Variants in DAB2 observed in about 807,000 individuals in gnomAD.
DAB2 encodes DAB adaptor protein 2, also known as disabled homolog 2.
DAB2 carries 28 observed loss-of-function variants against 71.6 expected under a neutral mutation model. The ratio of observed to expected loss-of-function variants is 0.39; its 90% CI spans 0.29 to 0.54. DAB2 has a LOEUF of 0.54. Among genes scored for constraint, DAB2 ranks in the 20% least tolerant of loss-of-function variants. The pLI is 0.68. For missense variants in DAB2, 867 were observed against 928.8 expected, an observed-to-expected ratio of 0.93 and a Z score of 0.86; for synonymous variants, 345 against 339.7, an observed-to-expected ratio of 1.02 and a Z score of -0.17.
intron 5 of DAB2, 45 bp from the exon 6 acceptor site, chr5:39,389,977 T>G (rs1290863046): frequency 3.1e-6 from 4 of 1,295,940 alleles, no homozygotes. Context: ...AATTTTAGTA[T>G]TTTATTTCCT....
At position 39,377,010 on chromosome 5, in the gene DAB2, G is replaced by T; in HGVS notation, c.1777C>A (p.Pro593Thr). The T allele has an allele frequency of 6.2e-7, 1 of 1,614,062 alleles. No individual in the cohort carries two copies. Among genetic ancestry groups the T allele is most frequent in the Non-Finnish European group, 8.5e-7 (1 of 1,180,018 alleles). Reference sequence around the variant, plus strand: ...GCTGGAAAAATATTGCTCTGAAAAGGATTCCCCAAAGGGCTTGTTGTTGAC... The same window carrying T: ...GCTGGAAAAATATTGCTCTGAAAAGTATTCCCCAAAGGGCTTGTTGTTGAC... The part of the protein sequence containing the change: ...AWSTTSPLGN[P>T]FQSNIFPAPA... The change falls in exon 12 of 15, where the codon CCT (proline) becomes ACT (threonine). Residue 593 changes from proline (P) to threonine (T), a missense_variant. Pro to Thr is a conservative substitution (Grantham distance 38). Coordinates refer to ENST00000320816, the MANE Select transcript of DAB2 (RefSeq NM_001343.4).
chr5:39,387,307 T>TC (rs1234020849), intron 9 of DAB2, among the ~76,000 whole-genome samples: 1 of 152,090 alleles, frequency 6.6e-6, no homozygotes, highest in Non-Finnish European at 1.5e-5. Context: ...TCTAGACATT[T>TC]CCCCCCATTA....
chr5:39,379,769 G>A lies in DAB2; in HGVS notation c.1504+1685C>T, dbSNP rs540108061. ...AGACAGTCCCCCAGCTGGGTCTAGC[G>A]GAAGCCAGACCTACAACCTTCCATG... is the stretch of plus-strand genomic sequence containing the variant. On this transcript the variant is annotated intron_variant, in intron 11 of 14. Transcript: ENST00000320816. Among the ~76,000 whole-genome samples, 5 of 150,056 alleles carry A rather than the reference G, an allele frequency of 3.3e-5. No individual in the cohort carries two copies. The South Asian group carries it at 6.4e-4, about 19-fold the overall frequency.
intron 1 of DAB2, among the ~76,000 whole-genome samples, chr5:39,412,128 A>G (rs2112101260): frequency 6.6e-6 from 1 of 152,178 alleles, no homozygotes; most frequent in East Asian, 1.9e-4. Flanking sequence ...CTTAAGGGGG[A>G]AAAAAACAAA....
Position 39,377,078 on chromosome 5 carries a change from G to A in DAB2, c.1709C>T (p.Pro570Leu). 1.2e-6 allele frequency: 2 copies of A among 1,614,190 alleles called. No individual in the cohort carries two copies. The highest frequency in any genetic ancestry group is 1.7e-6 in the Non-Finnish European group (2 of 1,180,030). ...AGATGCAGAAGGGCCCCAGACAACA[G>A]GCACTGGAGGGGGAGTTGAGGCTGC... ...PFAASTPPPVPVVWGPSASVA... is the reference protein window; with the variant it reads ...PFAASTPPPVLVVWGPSASVA... Residue 570 changes from proline (P) to leucine (L), a missense_variant, in exon 12 of 15, where the codon CCT becomes CTT. This residue lies in a region of DAB2 where 740 missense variants were observed against 734.3 expected (regional missense o/e 1.01). Transcript: ENST00000320816.
At chr5:39,375,160 A>G in intron 13 of DAB2, 76 bp from the exon 14 acceptor site, 1 of 1,096,998 alleles carries the variant, frequency 9.1e-7, no homozygotes, top group Non-Finnish European at 1.4e-6. Flanking sequence ...GACTTCCAAA[A>G]TTCTTTTAAA....
chr5:39,399,201 C>T (rs1370265348), intron 1 of DAB2, among the ~76,000 whole-genome samples: 1 of 152,108 alleles, frequency 6.6e-6, no homozygotes, highest in African/African-American at 2.4e-5. Flanking sequence ...TTTTCTCACT[C>T]GTTGGGTGTA....
intron 1 of DAB2, among the ~76,000 whole-genome samples, chr5:39,402,745 G>A (rs769820771): frequency 3.9e-5 from 6 of 152,156 alleles, no homozygotes; most frequent in Admixed American, 6.5e-5. Context: ...AAGCCCAGGT[G>A]GAAAAGTGAG....
chr5:39,404,838 C>CA (rs1755578879), intron 1 of DAB2, among the ~76,000 whole-genome samples: 1 of 152,212 alleles, frequency 6.6e-6, no homozygotes, highest in Admixed American at 6.5e-5. Context: ...CTCGGCCTCC[C>CA]AAAGTGCTGG....
chr5:39,415,267 C>T (rs966720132), intron 1 of DAB2, among the ~76,000 whole-genome samples: 1 of 152,044 alleles, frequency 6.6e-6, no homozygotes, highest in Non-Finnish European at 1.5e-5. Context: ...TCTGAAGGAC[C>T]ATCTGTATGG....
At chr5:39,381,068 C>G (rs1207811306) in intron 11 of DAB2, among the ~76,000 whole-genome samples, 1 of 152,142 alleles carries the variant, frequency 6.6e-6, no homozygotes, top group Admixed American at 6.5e-5. Flanking sequence ...CATAGGCCTT[C>G]GATCTATTAT....
At chr5:39,421,936 G>A (rs1390373796) in intron 1 of DAB2, among the ~76,000 whole-genome samples, 1 of 151,948 alleles carries the variant, frequency 6.6e-6, no homozygotes, top group African/African-American at 2.4e-5. Context: ...CAGGTATGGT[G>A]GCGGGTACCT....
At chr5:39,420,118 G>C (rs1485947313) in intron 1 of DAB2, among the ~76,000 whole-genome samples, 1 of 152,194 alleles carries the variant, frequency 6.6e-6, no homozygotes, top group Non-Finnish European at 1.5e-5. Flanking sequence ...GATGCTGCTG[G>C]TTTGGGAATC....
At chr5:39,416,912 C>G (rs1160127826) in intron 1 of DAB2, among the ~76,000 whole-genome samples, 4 of 151,980 alleles carry the variant, frequency 2.6e-5, no homozygotes, top group African/African-American at 9.7e-5. Flanking sequence ...GTTAAGCAAC[C>G]CTTTTCTCTA....
intron 9 of DAB2, 48 bp from the exon 10 acceptor site, chr5:39,383,319 G>T (rs745784896): frequency 1.4e-6 from 2 of 1,380,354 alleles, no homozygotes; most frequent in East Asian, 2.3e-5. Flanking sequence ...TCCATGTTGT[G>T]ACTTCAAATG....
At chr5:39,374,914 A>G in intron 14 of DAB2, 100 bp downstream of exon 14, 1 of 776,336 alleles carries the variant, frequency 1.3e-6, no homozygotes. Flanking sequence ...ATAGATATTT[A>G]CCCTCTTCCC....
In DAB2 at chr5:39,390,484, TCTC is replaced by T. The variant is rs1170691934; in HGVS notation, c.419_421del (p.Gly140del). On this transcript the variant is annotated inframe_deletion, in exon 5 of 15. Coordinates refer to ENST00000320816, the MANE Select transcript of DAB2 (RefSeq NM_001343.4). ...TATGGCAAAAAACTGATGCTGGCCT[TCTC>T]CTCCACACACGTAACCAAATGCCCG... is the stretch of plus-strand genomic sequence containing the variant. The T allele has an allele frequency of 6.2e-7, 1 of 1,613,910 alleles. No individual in the cohort carries two copies. The highest frequency in any genetic ancestry group is 8.5e-7 in the Non-Finnish European group (1 of 1,179,992).
At chr5:39,379,841 C>A (rs1352697534) in intron 11 of DAB2, among the ~76,000 whole-genome samples, 1 of 151,904 alleles carries the variant, frequency 6.6e-6, no homozygotes, top group East Asian at 1.9e-4. Flanking sequence ...TACTGTAGAG[C>A]TCAGTTTGAG....
At position 39,388,342 on chromosome 5, in the gene DAB2, C is replaced by A. The variant is rs879699370; in HGVS notation, c.650G>T (p.Gly217Val). The A allele has an allele frequency of 3.1e-6, 5 of 1,612,298 alleles. No individual in the cohort carries two copies. The highest frequency in any genetic ancestry group is 4.2e-6 in the Non-Finnish European group (5 of 1,178,798). The change falls in exon 9 of 15, where the codon GGG becomes GTG. Residue 217 changes from glycine to valine, a missense_variant. Transcript: ENST00000320816. ...KSGVDQMDLF[G>V]DMSTPPDLNS... ...TAGGTCAGGAGGTGTAGACATGTCC[C>A]CAAACAAATCCATCTGGTCAACACC...
Sources: allele counts gnomAD v4.1 joint callset (sites outside exome capture counted in the v4.1 genomes callset), GRCh38; gene constraint gnomAD v4.1.1; regional missense constraint gnomAD v4.1.1; transcripts MANE v1.5; gene names NCBI Gene and HGNC (gene_info 2026-07-23, HGNC 2026-07-21).